The following SOX5 variants were observed in gnomAD, a reference collection of about 807,000 sequenced individuals.
SOX5 encodes SRY-box transcription factor 5.
SOX5 carries 9 observed loss-of-function variants against 92.0 expected under a neutral mutation model. The ratio of observed to expected loss-of-function variants is 0.10; its 90% CI spans 0.06 to 0.17. SOX5 has a LOEUF of 0.17. SOX5 is among the 10% of genes least tolerant of loss of function. The probability of loss-of-function intolerance (pLI) is 1.00; values close to 1 mark genes in which losing one functional copy is unlikely to be tolerated. For missense variants in SOX5, 642 were observed against 944.5 expected, an observed-to-expected ratio of 0.68 and a Z score of 4.20; for synonymous variants, 344 against 336.3, an observed-to-expected ratio of 1.02 and a Z score of -0.25.
At chr12:24,517,439 T>C (rs1031822239) in intron 1 of SOX5, among the ~76,000 whole-genome samples, 1 of 151,980 alleles carries the variant, frequency 6.6e-6, no homozygotes, top group African/African-American at 2.4e-5. Context: ...AAAGGGGTCA[T>C]GGGGGCAGGA....
intron 2 of SOX5, among the ~76,000 whole-genome samples, chr12:24,296,701 T>C (rs1363836905): frequency 1.3e-5 from 2 of 151,914 alleles, no homozygotes; most frequent in South Asian, 2.1e-4. Context: ...GTGAAAGTAA[T>C]ATGGAATCAC....
chr12:23,882,659 G>T (rs1411291112), intron 2 of SOX5, among the ~76,000 whole-genome samples: 1 of 152,126 alleles, frequency 6.6e-6, no homozygotes, highest in Non-Finnish European at 1.5e-5. Flanking sequence ...GGAAAAGGGA[G>T]TTCATACTAA....
intron 1 of SOX5, among the ~76,000 whole-genome samples, chr12:24,533,167 T>C (rs1445018666): frequency 1.3e-5 from 2 of 152,238 alleles, no homozygotes; most frequent in Non-Finnish European, 2.9e-5. Context: ...AAGAATTTTT[T>C]GAAAGACATA....
chr12:23,934,611 G>A (rs1338398017), intron 1 of SOX5, among the ~76,000 whole-genome samples: 2 of 150,786 alleles, frequency 1.3e-5, no homozygotes, highest in Non-Finnish European at 3.0e-5. Flanking sequence ...AATACATAAT[G>A]TTCAGCATAA....
intron 4 of SOX5, among the ~76,000 whole-genome samples, chr12:24,162,677 C>T (rs1952895897): frequency 6.6e-6 from 1 of 152,122 alleles, no homozygotes; most frequent in Non-Finnish European, 1.5e-5. Context: ...CAAACTATGG[C>T]TAACTTGGTC....
intron 4 of SOX5, among the ~76,000 whole-genome samples, chr12:24,062,347 CCATT>C (rs1337830525): frequency 6.6e-6 from 1 of 152,138 alleles, no homozygotes; most frequent in Non-Finnish European, 1.5e-5. Context: ...TTGATCTTTA[CCATT>C]GATAGTTTAT....
intron 1 of SOX5, among the ~76,000 whole-genome samples, chr12:24,550,735 AG>A (rs1953072537): frequency 6.6e-6 from 1 of 152,374 alleles, no homozygotes; most frequent in Non-Finnish European, 1.5e-5. Flanking sequence ...AGGAAGAAAG[AG>A]GCTGCATAGA....
intron 4 of SOX5, among the ~76,000 whole-genome samples, chr12:24,049,908 G>A (rs1178260777): frequency 1.3e-5 from 2 of 151,694 alleles, no homozygotes; most frequent in Non-Finnish European, 2.9e-5. Flanking sequence ...ATCACCATCT[G>A]GCAGGGATAT....
chr12:24,468,633 C>T (rs1005758200), intron 1 of SOX5, among the ~76,000 whole-genome samples: 2 of 152,106 alleles, frequency 1.3e-5, no homozygotes, highest in Non-Finnish European at 2.9e-5. Flanking sequence ...TTTCCCATTC[C>T]CATTCTTACT....
At chr12:24,507,501 G>T (rs1180168791) in intron 1 of SOX5, among the ~76,000 whole-genome samples, 1 of 151,892 alleles carries the variant, frequency 6.6e-6, no homozygotes, top group African/African-American at 2.4e-5. Context: ...TAAAAGAGGA[G>T]AACTGTCCTC....
At chr12:24,252,122 T>A (rs1940199185) in intron 3 of SOX5, among the ~76,000 whole-genome samples, 1 of 152,156 alleles carries the variant, frequency 6.6e-6, no homozygotes, top group South Asian at 2.1e-4. Flanking sequence ...AGACATCTCC[T>A]ATATACTTTT....
intron 1 of SOX5, among the ~76,000 whole-genome samples, chr12:24,467,324 G>A (rs544915678): frequency 6.6e-6 from 1 of 152,330 alleles, no homozygotes; most frequent in African/African-American, 2.4e-5. Flanking sequence ...ATAACTTAAT[G>A]AGAAAGAGAG....
At chr12:23,699,583 T>C (rs903770629) in intron 6 of SOX5, among the ~76,000 whole-genome samples, 4 of 152,214 alleles carry the variant, frequency 2.6e-5, no homozygotes, top group South Asian at 4.1e-4. Context: ...ATTGTCTATA[T>C]GATACTTCTA....
intron 3 of SOX5, among the ~76,000 whole-genome samples, chr12:23,807,241 G>A (rs1218580192): frequency 2.0e-5 from 3 of 152,264 alleles, no homozygotes; most frequent in South Asian, 4.1e-4. Flanking sequence ...GTTATGGTTC[G>A]ATCTGTGTCC....
At chr12:23,779,446 GA>G (rs902008477) in intron 3 of SOX5, among the ~76,000 whole-genome samples, 1 of 149,850 alleles carries the variant, frequency 6.7e-6, no homozygotes, top group African/African-American at 2.5e-5. Context: ...CAAGCAGCAG[GA>G]AAATGCTAAT....
At chr12:23,884,998 TA>T (rs1443858627) in intron 2 of SOX5, among the ~76,000 whole-genome samples, 2 of 152,206 alleles carry the variant, frequency 1.3e-5, no homozygotes, top group Admixed American at 1.3e-4. Context: ...CATTGCTTTT[TA>T]TGTTCTATTG....
intron 1 of SOX5, among the ~76,000 whole-genome samples, chr12:24,376,364 A>G (rs1279398218): frequency 6.6e-6 from 1 of 152,170 alleles, no homozygotes; most frequent in Non-Finnish European, 1.5e-5. Flanking sequence ...TATTACGTTA[A>G]TCACATGAAA....
At chr12:24,067,720 T>G (rs1940995383) in intron 4 of SOX5, among the ~76,000 whole-genome samples, 1 of 152,072 alleles carries the variant, frequency 6.6e-6, no homozygotes, top group South Asian at 2.1e-4. Context: ...CTTTGATAGC[T>G]CTCAATACTT....
chr12:23,876,719 C>A (rs1409268507), intron 2 of SOX5, among the ~76,000 whole-genome samples: 1 of 152,122 alleles, frequency 6.6e-6, no homozygotes, highest in Non-Finnish European at 1.5e-5. Context: ...GCACTATTCA[C>A]AATAACAAAG....
Sources: allele counts gnomAD v4.1 joint callset (sites outside exome capture counted in the v4.1 genomes callset), GRCh38; gene constraint gnomAD v4.1.1; transcripts MANE v1.5; gene names NCBI Gene and HGNC (gene_info 2026-07-23, HGNC 2026-07-21).